Variants in STRA8 observed in about 807,000 individuals in gnomAD.
STRA8 encodes the protein stimulated by retinoic acid gene 8 protein homolog.
Under a neutral mutation model 37.1 loss-of-function variants are expected in STRA8, and 18 were observed. The ratio of observed to expected loss-of-function variants is 0.48; its 90% CI spans 0.34 to 0.72. STRA8 has a LOEUF of 0.72. Among genes scored for constraint, STRA8 ranks in the 30% least tolerant of loss-of-function variants. STRA8 has a pLI of 0.01. For missense variants in STRA8, 357 were observed against 410.4 expected, an observed-to-expected ratio of 0.87 and a Z score of 1.13; for synonymous variants, 168 against 162.9, an observed-to-expected ratio of 1.03 and a Z score of -0.24.
At chr7:135,240,792 G>A in intron 2 of STRA8, 76 bp downstream of exon 2, 1 of 1,537,676 alleles carries the variant, frequency 6.5e-7, no homozygotes, top group South Asian at 1.2e-5. Flanking sequence ...GGACTGTGTT[G>A]CAAGGCAGGG....
In STRA8 at chr7:135,240,516, C is replaced by G. The variant is rs1267410967; in HGVS notation, c.-6-3C>G. The G allele has an allele frequency of 2.5e-6, 4 of 1,611,518 alleles. No individual in the cohort carries two copies. The highest frequency in any genetic ancestry group is 3.4e-6 in the Non-Finnish European group (4 of 1,178,794). ...AAAAAAAAAGCATACTATTACATTA[C>G]AGCTTATAATGGCAACCCCTGAAGA... On this transcript the variant is annotated splice_polypyrimidine_tract_variant and splice_region_variant and intron_variant, in intron 1 of 8. Coordinates refer to ENST00000662584, the MANE Select transcript of STRA8 (RefSeq NM_001394401.1).
At chr7:135,245,167 GT>G in intron 4 of STRA8, 120 bp from the exon 5 acceptor site, 1 of 678,902 alleles carries the variant, frequency 1.5e-6, no homozygotes. Context: ...GTCATGATGT[GT>G]ACACCTACAC....
upstream of STRA8, chr7:135,231,960 A>G: frequency 6.2e-7 from 1 of 1,613,808 alleles, no homozygotes; most frequent in South Asian, 1.1e-5. Context: ...TTCATGGCAG[A>G]GCCTTCTGCC....
intron 8 of STRA8, among the ~76,000 whole-genome samples, 165 bp from the exon 9 acceptor site, chr7:135,258,253 T>C (rs1832729670): frequency 6.6e-6 from 1 of 151,882 alleles, no homozygotes; most frequent in African/African-American, 2.4e-5. Context: ...CTTCCCCCCT[T>C]AGAGCCCTTG....
chr7:135,234,396 C>T (rs183346980), intron 1 of STRA8, among the ~76,000 whole-genome samples: 8 of 152,280 alleles, frequency 5.3e-5, no homozygotes, highest in South Asian at 2.1e-4. Flanking sequence ...GCAGGAGCCA[C>T]GGCACCCAGC....
intron 1 of STRA8, among the ~76,000 whole-genome samples, chr7:135,236,278 A>ATGTGTG (rs57585247): frequency 7.2e-5 from 10 of 137,938 alleles, no homozygotes; most frequent in East Asian, 2.2e-4. Flanking sequence ...GTGTGTGTGT[A>ATGTGTG]TGTGTGTGTG....
intron 4 of STRA8, 84 bp downstream of exon 4, chr7:135,243,494 C>G (rs1477409942): frequency 1.3e-5 from 17 of 1,267,152 alleles, no homozygotes; most frequent in Admixed American, 1.9e-5. Context: ...CTCACCCTTC[C>G]TCTCCAGCCT....
chr7:135,248,901 G>A (rs1392513458), intron 6 of STRA8, among the ~76,000 whole-genome samples: 1 of 152,152 alleles, frequency 6.6e-6, no homozygotes, highest in Non-Finnish European at 1.5e-5. Context: ...TGTGGCTTCT[G>A]ATCTGGTTTT....
rs1832547514 is a variant in STRA8 at position 135,246,010 on chromosome 7, G to C, written c.594-407G>C. 1 of 251,684 alleles carries C rather than the reference G, an allele frequency of 4.0e-6. No homozygotes were observed. Among genetic ancestry groups the C allele is most frequent in the African/African-American group, 2.3e-5 (1 of 42,978 alleles). The allele number at this position is 251,684 out of a possible 1,614,324, so 15.6% of individuals were successfully genotyped here. ...TCCAGAGGAGTTGGCTCAATAGCAG[G>C]AGGCTCTCTCCACAGCCGAGCCTGA... On this transcript the variant is annotated intron_variant, in intron 5 of 8. Transcript: ENST00000662584. This position sits in a 1 kb window ranked among gnomAD's most constrained non-coding sequence, Gnocchi z 5.4.
At chr7:135,251,945 T>G in intron 7 of STRA8, 76 bp downstream of exon 7, 1 of 1,411,218 alleles carries the variant, frequency 7.1e-7, no homozygotes, top group Non-Finnish European at 1.0e-6. Flanking sequence ...GGTGTGTATG[T>G]GTGAGTTTGC....
chr7:135,254,552 T>C (rs1832679054), intron 7 of STRA8, among the ~76,000 whole-genome samples: 1 of 152,232 alleles, frequency 6.6e-6, no homozygotes. Flanking sequence ...CAATAACAGT[T>C]GCTGTCAGCT....
chr7:135,251,852 G>C lies in STRA8; in HGVS notation c.936G>C (p.Pro312=). 3 of 1,614,138 alleles carry C rather than the reference G, an allele frequency of 1.9e-6. No homozygotes were observed. Among genetic ancestry groups the C allele is most frequent in the South Asian group, 1.1e-5 (1 of 91,072 alleles). Residue 312 remains proline, a synonymous_variant, in exon 7 of 9, where the codon CCG becomes CCC. Transcript: ENST00000662584. The stretch of plus-strand genomic sequence containing the variant: ...GCTTCCTGGACAAAAGTGAGGTTCC[G>C]AGTACATCTAGCTCCAGGTGAGGAA... The part of the protein sequence containing the change: ...VASFLDKSEV[P]STSSSSSVLA...
At position 135,240,626 on chromosome 7, in the gene STRA8, G is replaced by C. The variant is rs760392335; in HGVS notation, c.102G>C (p.Leu34=). Residue 34 remains leucine (L), a synonymous_variant, in exon 2 of 9, where the codon CTG becomes CTC. Transcript: ENST00000662584. ...AGCATCGGGTGGCCCGGAGACGGCT[G>C]TCCCAGGCCCGCCACCGAGCCACCC... ...ELEHRVARRR[L]SQARHRATLA... The C allele has an allele frequency of 6.2e-7, 1 of 1,614,112 alleles. No individual in the cohort carries two copies. Among genetic ancestry groups the C allele is most frequent in the Non-Finnish European group, 8.5e-7 (1 of 1,180,030 alleles).
chr7:135,247,527 A>G (rs1368221975), intron 6 of STRA8, among the ~76,000 whole-genome samples: 1 of 152,194 alleles, frequency 6.6e-6, no homozygotes, highest in Non-Finnish European at 1.5e-5. Context: ...GCTCTTTCTT[A>G]AGAGTTAAGG....
rs547624212 is a variant in STRA8 at position 135,255,996 on chromosome 7, T to C, written c.1065+771T>C. ...AGGATATTAATGTCTGCTTCCAAAT[T>C]GTTCCACTTACAGTGATATGAGCAG... On this transcript the variant is annotated intron_variant, in intron 8 of 8. Transcript: ENST00000662584. Among the ~76,000 whole-genome samples the C allele has an allele frequency of 5.3e-5, 8 of 152,342 alleles. No individual in the cohort carries two copies. In the East Asian group the frequency reaches 1.4e-3, roughly 26 times the overall value.
intron 1 of STRA8, among the ~76,000 whole-genome samples, chr7:135,239,462 C>A (rs1228515861): frequency 6.6e-6 from 1 of 152,154 alleles, no homozygotes; most frequent in Non-Finnish European, 1.5e-5. Context: ...AGGGAGTAGA[C>A]CTAGCAGAAA....
chr7:135,255,098 T>A lies in STRA8; in HGVS notation c.954-16T>A. On this transcript the variant is annotated splice_polypyrimidine_tract_variant and intron_variant, in intron 7 of 8. Coordinates refer to ENST00000662584, the MANE Select transcript of STRA8 (RefSeq NM_001394401.1). ...ATCCTGAATATTTGTTGCCTTTTCT[T>A]CCTTTCTGTTGTCAGTTCAGTGCTT... The A allele has an allele frequency of 6.2e-7, 1 of 1,605,362 alleles. No homozygotes were observed. Among genetic ancestry groups the A allele is most frequent in the Non-Finnish European group, 8.5e-7 (1 of 1,172,082 alleles).
At chr7:135,253,070 G>A (rs1017929080) in intron 7 of STRA8, among the ~76,000 whole-genome samples, 4 of 152,160 alleles carry the variant, frequency 2.6e-5, no homozygotes, top group Non-Finnish European at 4.4e-5. Context: ...GAGTGGCTGG[G>A]ATTACAGGTG....
rs142941773 is a variant in STRA8, at chr7:135,252,013, A to AGAGAGAGAGTGT, written c.953+145_953+146insAGAGAGAGTGTG. On this transcript the variant is annotated intron_variant, in intron 7 of 8. Transcript: ENST00000662584. ...AGAGGAGACAGAGGGAGAGAGAGAG[A>AGAGAGAGAGTGT]GTGTGTGTGTGTGTGTGTGTGTGTG... The AGAGAGAGAGTGT allele has an allele frequency of 1.0e-4, 52 of 505,288 alleles. No homozygotes were observed. In the African/African-American group the frequency reaches 1.1e-3, roughly 10 times the overall value. 31.3% of individuals were successfully genotyped at this position (505,288 alleles called of 1,614,324 possible).
Sources: allele counts gnomAD v4.1 joint callset (sites outside exome capture counted in the v4.1 genomes callset), GRCh38; gene constraint gnomAD v4.1.1; non-coding constraint Gnocchi (gnomAD v3.1); transcripts MANE v1.5; gene names NCBI Gene and HGNC (gene_info 2026-07-23, HGNC 2026-07-21).